Variants in CAAP1 observed in about 807,000 individuals in gnomAD.
The protein encoded by CAAP1 is caspase activity and apoptosis inhibitor 1.
In CAAP1, 20 loss-of-function variants were observed where a neutral mutation model predicts 34.0. That is an observed-to-expected ratio of 0.59 (90% confidence interval 0.41 to 0.86). CAAP1 has a LOEUF of 0.86. Ranked by LOEUF, CAAP1 falls within the 40% of genes least tolerant of loss-of-function variation. The pLI is 0.00. For missense variants in CAAP1, 538 were observed against 450.5 expected, an observed-to-expected ratio of 1.19 and a Z score of -1.76; for synonymous variants, 213 against 166.7, an observed-to-expected ratio of 1.28 and a Z score of -2.14.
chr9:26,885,818 T>C (rs1823724195), intron 3 of CAAP1, among the ~76,000 whole-genome samples: 2 of 151,742 alleles, frequency 1.3e-5, no homozygotes, highest in Non-Finnish European at 3.0e-5. Context: ...GCCTTTCCAA[T>C]AATTAATTTT....
rs139098591 is a variant in CAAP1 at position 26,844,642 on chromosome 9, T to A, written c.740-1995A>T. On this transcript the variant is annotated intron_variant, in intron 5 of 5. Transcript: ENST00000333916. ...AGGCTTGATCAGACTCAGGTTCAATTTTCTGGTAAGAATATTTAGAAGTGA... is the reference window on the plus strand; with the variant it reads ...AGGCTTGATCAGACTCAGGTTCAATATTCTGGTAAGAATATTTAGAAGTGA... Among the ~76,000 whole-genome samples the A allele has an allele frequency of 7.2e-5, 11 of 152,328 alleles. No individual in the cohort carries two copies. In the East Asian group the frequency reaches 2.1e-3, roughly 29 times the overall value.
At chr9:26,854,412 A>G (rs1822821559) in intron 5 of CAAP1, among the ~76,000 whole-genome samples, 3 of 152,216 alleles carry the variant, frequency 2.0e-5, no homozygotes, top group Admixed American at 2.0e-4. Context: ...AAAACATTCT[A>G]TACTATTTCC....
chr9:26,874,525 C>T (rs1319020764), intron 4 of CAAP1, among the ~76,000 whole-genome samples: 2 of 152,092 alleles, frequency 1.3e-5, no homozygotes, highest in African/African-American at 2.4e-5. Context: ...TTTACCCAAA[C>T]GCTCCCTGTA....
Position 26,842,495 on chromosome 9 carries a change from T to C in CAAP1, c.892A>G (p.Ile298Val). 1.2e-6 allele frequency: 2 copies of C among 1,614,202 alleles called. No individual in the cohort carries two copies. The highest frequency in any genetic ancestry group is 8.5e-7 in the Non-Finnish European group (1 of 1,180,044). ...AGQIDDLEKD[I>V]EKSVNEILGL... ...AGAATCTCATTCACACTTTTCTCAA[T>C]GTCTTTCTCCAGGTCATCTATCTGA... Residue 298 changes from isoleucine to valine, a missense_variant, in exon 6 of 6, where the codon ATT (isoleucine) becomes GTT (valine). By Grantham distance (29) the Ile-to-Val change is conservative (BLOSUM62 3). Coordinates refer to ENST00000333916, the MANE Select transcript of CAAP1 (RefSeq NM_024828.4).
intron 4 of CAAP1, among the ~76,000 whole-genome samples, chr9:26,865,480 T>C (rs902048309): frequency 1.3e-5 from 2 of 151,542 alleles, no homozygotes; most frequent in African/African-American, 4.9e-5. Context: ...GCCAAGATCA[T>C]GCCATTGCAC....
At chr9:26,885,152 C>A (rs767885651) in intron 3 of CAAP1, among the ~76,000 whole-genome samples, 1 of 149,130 alleles carries the variant, frequency 6.7e-6, no homozygotes, top group Admixed American at 6.7e-5. Flanking sequence ...CCTCGGCTCA[C>A]TGCAACCTCC....
intron 4 of CAAP1, among the ~76,000 whole-genome samples, chr9:26,877,791 G>C (rs1240079645): frequency 5.3e-5 from 8 of 151,672 alleles, no homozygotes; most frequent in East Asian, 1.9e-4. Context: ...ACTTAAATTT[G>C]TTTTTCAGGT....
rs539844823 is a variant in CAAP1 at position 26,871,914 on chromosome 9, A to AAAATAAAT, written c.666-10783_666-10776dup. 2.0e-3 allele frequency among the ~76,000 whole-genome samples: 301 copies of AAAATAAAT among 149,766 alleles called. 1 individual carries two copies. The highest frequency in any genetic ancestry group is 6.4e-3 in the African/African-American group (254 of 39,488). On this transcript the variant is annotated intron_variant, in intron 4 of 5. Coordinates refer to ENST00000333916, the MANE Select transcript of CAAP1 (RefSeq NM_024828.4). The stretch of plus-strand genomic sequence containing the variant: ...GGGCGACAGAGCCAGACTTCATCTC[A>AAAATAAAT]AAATAAATAAATAAATAAATAAATA...
rs1160125137 is a variant in CAAP1 at position 26,841,545 on chromosome 9, C to T, written c.*756G>A. ...AGCACATCAGATCTTTAAGCAACTA[C>T]ATCAGATAAAATCCTAGATAATAAA... is the stretch of plus-strand genomic sequence containing the variant. On this transcript the variant is annotated 3_prime_UTR_variant, in exon 6 of 6. Coordinates refer to ENST00000333916, the MANE Select transcript of CAAP1 (RefSeq NM_024828.4). 6.6e-6 allele frequency: 1 copy of T among 152,538 alleles called. No homozygotes were observed. The highest frequency in any genetic ancestry group is 6.5e-5 in the Admixed American group (1 of 15,276). 9.4% of individuals were successfully genotyped at this position (152,538 alleles called of 1,614,324 possible). A position where few individuals can be genotyped will look rare whatever the true frequency, so the allele number is the denominator to read the frequency against.
intron 5 of CAAP1, among the ~76,000 whole-genome samples, chr9:26,859,064 A>G (rs1822945197): frequency 6.6e-6 from 1 of 151,602 alleles, no homozygotes; most frequent in East Asian, 1.9e-4. Context: ...TCACAACATG[A>G]GCATGAACTG....
At chr9:26,848,466 A>G (rs1328047245) in intron 5 of CAAP1, among the ~76,000 whole-genome samples, 1 of 152,226 alleles carries the variant, frequency 6.6e-6, no homozygotes, top group Non-Finnish European at 1.5e-5. Context: ...CAGTGAGCCA[A>G]GATTACACCA....
intron 3 of CAAP1, among the ~76,000 whole-genome samples, chr9:26,885,115 C>T (rs1178779158): frequency 7.1e-6 from 1 of 141,022 alleles, no homozygotes; most frequent in Non-Finnish European, 1.5e-5. Context: ...GTCACACTGT[C>T]ACCCCGGCTG....
intron 3 of CAAP1, among the ~76,000 whole-genome samples, chr9:26,885,237 C>A (rs1013749132): frequency 6.6e-6 from 1 of 151,778 alleles, no homozygotes; most frequent in African/African-American, 2.4e-5. Flanking sequence ...CCACCACGCC[C>A]GGCTAATTTT....
chr9:26,863,150 A>G (rs1373192232), intron 4 of CAAP1, among the ~76,000 whole-genome samples: 2 of 152,180 alleles, frequency 1.3e-5, no homozygotes, highest in African/African-American at 4.8e-5. Flanking sequence ...CCCCTCTATA[A>G]GGACTATCTT....
chr9:26,883,211 G>C (rs1823641720), intron 4 of CAAP1, among the ~76,000 whole-genome samples: 1 of 152,142 alleles, frequency 6.6e-6, no homozygotes. Context: ...ATACGGTTTG[G>C]CTGTGTCTCC....
chr9:26,874,259 G>A (rs990360007), intron 4 of CAAP1, among the ~76,000 whole-genome samples: 1 of 147,656 alleles, frequency 6.8e-6, no homozygotes, highest in Non-Finnish European at 1.5e-5. Flanking sequence ...CCTACTGGTT[G>A]TACTTATTTA....
chr9:26,868,565 G>A (rs1823195169), intron 4 of CAAP1, among the ~76,000 whole-genome samples: 1 of 152,158 alleles, frequency 6.6e-6, no homozygotes, highest in African/African-American at 2.4e-5. Context: ...AAATAAATAT[G>A]TGTTGCTTTA....
chr9:26,860,038 A>G (rs1404177920), intron 5 of CAAP1, among the ~76,000 whole-genome samples: 1 of 152,196 alleles, frequency 6.6e-6, no homozygotes, highest in Admixed American at 6.5e-5. Flanking sequence ...AAATAAGTTC[A>G]TATGACTCAT....
At chr9:26,866,778 T>G (rs544538128) in intron 4 of CAAP1, among the ~76,000 whole-genome samples, 3 of 152,188 alleles carry the variant, frequency 2.0e-5, no homozygotes, top group African/African-American at 7.2e-5. Context: ...CACAGCTTGG[T>G]GACTGAAAAA....
Sources: allele counts gnomAD v4.1 joint callset (sites outside exome capture counted in the v4.1 genomes callset), GRCh38; gene constraint gnomAD v4.1.1; transcripts MANE v1.5; gene names NCBI Gene and HGNC (gene_info 2026-07-23, HGNC 2026-07-21).